The following AKAP19 variants were observed in gnomAD, a reference collection of about 807,000 sequenced individuals.
The protein encoded by AKAP19 is A-kinase anchoring protein 19.
the AKAP19 span, chr2:190,202,640 T>A: frequency 1.3e-4 from 21 of 167,138 alleles, no homozygotes; most frequent in African/African-American, 5.1e-4. Context: ...GTAGAAGGAC[T>A]GTCTGAGAAG....
At chr2:189,950,457 T>C in the AKAP19 span, among the ~76,000 whole-genome samples, 2 of 151,658 alleles carry the variant, frequency 1.3e-5, no homozygotes, top group African/African-American at 4.8e-5. Flanking sequence ...TCAATTAGGA[T>C]TAGGATAAGT....
the AKAP19 span, among the ~76,000 whole-genome samples, chr2:190,166,317 C>CTTTTTTTTTTTTTTTTTTTTTTTTTTT: frequency 1.5e-5 from 1 of 65,298 alleles, no homozygotes; most frequent in African/African-American, 6.7e-5. Context: ...AAAATCCACT[C>CTTTTTTTTTTTTTTTTTTTTTTTTTTT]TTTTTTTTTT....
chr2:189,945,537 A>G, the AKAP19 span, among the ~76,000 whole-genome samples: 1 of 152,240 alleles, frequency 6.6e-6, no homozygotes, highest in African/African-American at 2.4e-5. Flanking sequence ...CTGATTATAA[A>G]GCCAAAGACT....
chr2:190,023,102 G>A, the AKAP19 span, among the ~76,000 whole-genome samples: 1 of 152,004 alleles, frequency 6.6e-6, no homozygotes, highest in African/African-American at 2.4e-5. Flanking sequence ...TTCATTTTAT[G>A]TTTATGTCTA....
At chr2:190,183,242 T>C in the AKAP19 span, among the ~76,000 whole-genome samples, 1 of 152,198 alleles carries the variant, frequency 6.6e-6, no homozygotes, top group Non-Finnish European at 1.5e-5. Flanking sequence ...ATTCAAAGTA[T>C]TGAAAGTGCC....
chr2:190,180,810 G>T, the AKAP19 span: 1 of 985,288 alleles, frequency 1.0e-6, no homozygotes, highest in Non-Finnish European at 1.2e-6. This position sits in a 1 kb window ranked among gnomAD's most constrained non-coding sequence, Gnocchi z 6.8. Context: ...CGGCGGCGAC[G>T]GCAGGAGGAG....
chr2:190,143,182 T>G, the AKAP19 span, among the ~76,000 whole-genome samples: 1 of 151,934 alleles, frequency 6.6e-6, no homozygotes, highest in South Asian at 2.1e-4. Flanking sequence ...TTTCAGGGTT[T>G]TATCAGCCCA....
the AKAP19 span, among the ~76,000 whole-genome samples, chr2:189,934,152 TAC>T: frequency 6.6e-6 from 1 of 152,114 alleles, no homozygotes; most frequent in Non-Finnish European, 1.5e-5. Flanking sequence ...GGCAAAATTA[TAC>T]AGAGTAAGAA....
chr2:190,033,138 C>T, the AKAP19 span, among the ~76,000 whole-genome samples: 1 of 152,078 alleles, frequency 6.6e-6, no homozygotes, highest in Non-Finnish European at 1.5e-5. Flanking sequence ...TTACATTTAT[C>T]CCCAGCCATG....
the AKAP19 span, among the ~76,000 whole-genome samples, chr2:189,943,374 G>T: frequency 6.6e-6 from 1 of 152,210 alleles, no homozygotes; most frequent in East Asian, 1.9e-4. Flanking sequence ...TGTTAAGCTT[G>T]TAGGCACATA....
At chr2:190,165,133 T>A in the AKAP19 span, among the ~76,000 whole-genome samples, 2 of 152,184 alleles carry the variant, frequency 1.3e-5, no homozygotes, top group South Asian at 2.1e-4. Flanking sequence ...GAATTAAATT[T>A]AAAAATTTTA....
At chr2:189,899,755 T>C in the AKAP19 span, among the ~76,000 whole-genome samples, 3 of 151,040 alleles carry the variant, frequency 2.0e-5, no homozygotes, top group Admixed American at 2.0e-4. Context: ...TATTACCCTC[T>C]TTCCTTTCTT....
chr2:190,049,129 G>A, the AKAP19 span, among the ~76,000 whole-genome samples: 1 of 151,908 alleles, frequency 6.6e-6, no homozygotes, highest in Non-Finnish European at 1.5e-5. Context: ...AAGAGAAATA[G>A]AAATCTTGGA....
chr2:190,066,646 T>G, the AKAP19 span, among the ~76,000 whole-genome samples: 1 of 152,162 alleles, frequency 6.6e-6, no homozygotes, highest in Non-Finnish European at 1.5e-5. Flanking sequence ...ACCCATGCTT[T>G]TGATAGTTAG....
the AKAP19 span, among the ~76,000 whole-genome samples, chr2:190,072,609 G>A: frequency 2.0e-5 from 3 of 152,192 alleles, no homozygotes; most frequent in Middle Eastern, 6.8e-3. Flanking sequence ...TTACTAAATT[G>A]ACAAATATTG....
chr2:190,145,318 C>G, the AKAP19 span, among the ~76,000 whole-genome samples: 23 of 151,956 alleles, frequency 1.5e-4, no homozygotes, highest in Non-Finnish European at 2.2e-4. Flanking sequence ...TTCTTTTTTG[C>G]AGATGCATAG....
At chr2:189,903,101 T>G in the AKAP19 span, among the ~76,000 whole-genome samples, 107,766 of 151,608 alleles carry the variant, frequency 0.71, 42,751 homozygotes, top group Non-Finnish European at 0.89. Flanking sequence ...GAGAAATTAT[T>G]TATAAATGGA....
chr2:189,948,899 T>G, the AKAP19 span, among the ~76,000 whole-genome samples: 1 of 149,842 alleles, frequency 6.7e-6, no homozygotes, highest in Non-Finnish European at 1.5e-5. Flanking sequence ...GTATTTAAAC[T>G]TTTTTTTTTA....
the AKAP19 span, among the ~76,000 whole-genome samples, chr2:190,195,941 C>CTTTTTTTTTTTTTTTTTTTTTTT: frequency 1.2e-5 from 1 of 86,210 alleles, no homozygotes; most frequent in African/African-American, 4.1e-5. Context: ...CTGTGTCCAG[C>CTTTTTTTTTTTTTTTTTTTTTTT]TTTTTTTTTT....
Sources: gnomAD v4.1 joint callset for allele counts (sites outside exome capture counted in the v4.1 genomes callset) on GRCh38, gnomAD v4.1.1 for gene constraint, Gnocchi (gnomAD v3.1) non-coding constraint, MANE v1.5 for transcripts, NCBI Gene and HGNC (gene_info 2026-07-23, HGNC 2026-07-21) for gene names.